Variants in ZMAT4 observed in about 807,000 individuals in gnomAD.
ZMAT4 encodes the protein zinc finger matrin-type protein 4.
In ZMAT4, 17 loss-of-function variants were observed where a neutral mutation model predicts 28.7. That is an observed-to-expected ratio of 0.59 (90% CI 0.41 to 0.89). The LOEUF (loss-of-function observed/expected upper bound fraction) is 0.89. Ranked by LOEUF, ZMAT4 falls within the 40% of genes least tolerant of loss-of-function variation. ZMAT4 has a pLI of 0.00. For missense variants in ZMAT4, 240 were observed against 283.8 expected (o/e 0.85, Z 1.11); for synonymous variants, 117 against 109.2 (o/e 1.07, Z -0.44).
intron 2 of ZMAT4, among the ~76,000 whole-genome samples, chr8:40,791,956 C>T (rs1814344199): frequency 6.6e-6 from 1 of 152,174 alleles, no homozygotes. Flanking sequence ...GGGTGGGTTG[C>T]TTCAAAATCC....
At chr8:40,744,913 A>G (rs1441146127) in intron 3 of ZMAT4, among the ~76,000 whole-genome samples, 2 of 152,210 alleles carry the variant, frequency 1.3e-5, no homozygotes. Flanking sequence ...ACCAGCAAAG[A>G]TGTATAGAGA....
At chr8:40,549,409 T>C (rs1397327821) in intron 6 of ZMAT4, among the ~76,000 whole-genome samples, 2 of 152,188 alleles carry the variant, frequency 1.3e-5, no homozygotes, top group African/African-American at 4.8e-5. Flanking sequence ...TTTCAAGCCT[T>C]GAATTATCTT....
chr8:40,692,188 C>A (rs2150489449), intron 4 of ZMAT4, among the ~76,000 whole-genome samples: 1 of 152,286 alleles, frequency 6.6e-6, no homozygotes, highest in East Asian at 1.9e-4. Context: ...GTGGTCCCTG[C>A]AGAGCACACC....
At chr8:40,768,356 G>T (rs1019176375) in intron 2 of ZMAT4, among the ~76,000 whole-genome samples, 1 of 152,188 alleles carries the variant, frequency 6.6e-6, no homozygotes, top group Admixed American at 6.5e-5. Flanking sequence ...TTTGGAATTA[G>T]CAGGATTGTT....
chr8:40,592,749 A>G lies in ZMAT4; in HGVS notation c.578-11488T>C, dbSNP rs945668584. 7.2e-5 allele frequency among the ~76,000 whole-genome samples: 11 copies of G among 152,224 alleles called. No individual in the cohort carries two copies. The East Asian group carries it at 2.1e-3, about 29-fold the overall frequency. ...ACACAGTAGATCATTCTAAATATTT[A>G]AAGAGCTTGTTTATTGGAAGATGGT... On this transcript the variant is annotated intron_variant, in intron 5 of 6. Coordinates refer to ENST00000297737, the MANE Select transcript of ZMAT4 (RefSeq NM_024645.3).
At chr8:40,782,393 GCAAA>G (rs397695690) in intron 2 of ZMAT4, among the ~76,000 whole-genome samples, 147 of 145,148 alleles carry the variant, frequency 1.0e-3, no homozygotes, top group South Asian at 3.8e-3. Context: ...TCGAAAACAA[GCAAA>G]CAAACAAACA....
chr8:40,630,020 A>G (rs1806517221), intron 5 of ZMAT4, among the ~76,000 whole-genome samples: 1 of 152,024 alleles, frequency 6.6e-6, no homozygotes, highest in Admixed American at 6.6e-5. Context: ...TTTTAATTCT[A>G]TCTCCCCTCA....
intron 6 of ZMAT4, among the ~76,000 whole-genome samples, chr8:40,571,362 C>T (rs2565111): frequency 0.99 from 151,141 of 152,262 alleles, 75,023 homozygotes; most frequent in Middle Eastern, 1. Context: ...TATAGAGATA[C>T]ATATACAGTC....
intron 5 of ZMAT4, among the ~76,000 whole-genome samples, chr8:40,625,709 T>C (rs1399024327): frequency 1.3e-5 from 2 of 152,066 alleles, no homozygotes; most frequent in Non-Finnish European, 2.9e-5. Context: ...CTGAGATATT[T>C]AGTAGACACC....
intron 2 of ZMAT4, among the ~76,000 whole-genome samples, chr8:40,805,672 A>G (rs1815051347): frequency 6.7e-6 from 1 of 148,706 alleles, no homozygotes; most frequent in Non-Finnish European, 1.5e-5. Context: ...CATCATTCTC[A>G]GTAAACTATC....
intron 3 of ZMAT4, among the ~76,000 whole-genome samples, chr8:40,721,192 T>C (rs951353205): frequency 6.9e-5 from 10 of 144,384 alleles, no homozygotes; most frequent in African/African-American, 1.3e-4. Flanking sequence ...TGTGATCTCA[T>C]TGTTCAATTC....
intron 6 of ZMAT4, among the ~76,000 whole-genome samples, chr8:40,556,758 G>A (rs1803552284): frequency 6.6e-6 from 1 of 152,152 alleles, no homozygotes; most frequent in Non-Finnish European, 1.5e-5. Context: ...TGTTAGATGT[G>A]TAAAATGTGT....
At chr8:40,735,369 A>G (rs1192426081) in intron 3 of ZMAT4, among the ~76,000 whole-genome samples, 1 of 152,204 alleles carries the variant, frequency 6.6e-6, no homozygotes, top group Non-Finnish European at 1.5e-5. Flanking sequence ...TCTTTATAGG[A>G]CAAGACAATG....
intron 3 of ZMAT4, among the ~76,000 whole-genome samples, chr8:40,761,771 A>C (rs1178001744): frequency 6.6e-6 from 1 of 152,240 alleles, no homozygotes; most frequent in Non-Finnish European, 1.5e-5. Flanking sequence ...ACAAGAAAGA[A>C]GAAAAAATTC....
intron 5 of ZMAT4, among the ~76,000 whole-genome samples, chr8:40,664,800 A>G (rs1030143948): frequency 6.6e-6 from 1 of 152,230 alleles, no homozygotes. Flanking sequence ...CTTTTTTAAA[A>G]TAATTATTGC....
intron 3 of ZMAT4, among the ~76,000 whole-genome samples, chr8:40,708,873 C>A (rs570643044): frequency 9.9e-4 from 150 of 151,514 alleles, no homozygotes; most frequent in African/African-American, 3.6e-3. Flanking sequence ...AGTCTCGAGC[C>A]CTCAACCTCA....
intron 5 of ZMAT4, among the ~76,000 whole-genome samples, chr8:40,620,390 C>T (rs1479186772): frequency 6.6e-6 from 1 of 152,174 alleles, no homozygotes; most frequent in Non-Finnish European, 1.5e-5. Context: ...CCTCAGGCCA[C>T]AGGATAAGGA....
chr8:40,825,761 G>A (rs182699270), intron 1 of ZMAT4, 81 bp from the exon 2 acceptor site: 12 of 1,146,304 alleles, frequency 1.0e-5, no homozygotes, highest in African/African-American at 6.1e-5. Context: ...GAAAAGCCAG[G>A]ATCACAGTAA....
chr8:40,590,935 A>G (rs969808038), intron 5 of ZMAT4, among the ~76,000 whole-genome samples: 2 of 152,056 alleles, frequency 1.3e-5, no homozygotes, highest in Admixed American at 6.6e-5. Flanking sequence ...AATTCAGCTC[A>G]TGTGTCAATT....
Sources: allele counts gnomAD v4.1 joint callset (sites outside exome capture counted in the v4.1 genomes callset), GRCh38; gene constraint gnomAD v4.1.1; transcripts MANE v1.5; gene names NCBI Gene and HGNC (gene_info 2026-07-23, HGNC 2026-07-21).